CACNB4: variants seen among roughly 807,000 people sequenced by gnomAD.
CACNB4 encodes calcium voltage-gated channel auxiliary subunit beta 4.
CACNB4 carries 32 observed loss-of-function variants against 71.2 expected under a neutral mutation model. The observed-to-expected ratio is 0.45, with a 90% CI of 0.34 to 0.60. The LOEUF is 0.60. CACNB4 is among the 20% of genes least tolerant of loss of function. The pLI is 0.01. For missense variants in CACNB4, 464 were observed against 647.9 expected, an observed-to-expected ratio of 0.72 and a Z score of 3.08; for synonymous variants, 231 against 236.9, an observed-to-expected ratio of 0.97 and a Z score of 0.23.
chr2:152,044,367 C>T (rs4664522), intron 2 of CACNB4, among the ~76,000 whole-genome samples: 2,777 of 152,124 alleles, frequency 0.018, 260 homozygotes, highest in Admixed American at 0.16. Context: ...ATTACAGGTG[C>T]GCATCACCAT....
intron 12 of CACNB4, among the ~76,000 whole-genome samples, chr2:151,845,951 GA>G (rs2099837452): frequency 6.6e-6 from 1 of 152,208 alleles, no homozygotes; most frequent in Non-Finnish European, 1.5e-5. Flanking sequence ...AACGAAGAGT[GA>G]AAAACATGCC....
chr2:151,950,227 A>G (rs2099866598), intron 2 of CACNB4, among the ~76,000 whole-genome samples: 1 of 152,052 alleles, frequency 6.6e-6, no homozygotes, highest in Non-Finnish European at 1.5e-5. Context: ...GCCCCTACAC[A>G]TACAGAGCCA....
At chr2:151,943,085 C>G (rs1048138985) in intron 2 of CACNB4, among the ~76,000 whole-genome samples, 1 of 151,584 alleles carries the variant, frequency 6.6e-6, no homozygotes, top group Non-Finnish European at 1.5e-5. Flanking sequence ...TGTTATTACA[C>G]CCCCTCCCCT....
At chr2:152,080,127 CTT>C (rs56902459) in intron 2 of CACNB4, among the ~76,000 whole-genome samples, 9 of 146,198 alleles carry the variant, frequency 6.2e-5, no homozygotes, top group African/African-American at 2.2e-4. Context: ...AATTTACTGT[CTT>C]TTTTTTTTTT....
At chr2:152,003,879 C>G (rs1321336885) in intron 2 of CACNB4, among the ~76,000 whole-genome samples, 2 of 152,044 alleles carry the variant, frequency 1.3e-5, no homozygotes, top group Non-Finnish European at 2.9e-5. Context: ...AACATGGTCT[C>G]TGTCACCCAG....
chr2:151,890,039 T>C (rs1559941803), intron 2 of CACNB4, among the ~76,000 whole-genome samples: 1 of 152,334 alleles, frequency 6.6e-6, no homozygotes, highest in South Asian at 2.1e-4. Context: ...GTTTTGTTCT[T>C]TTTTTAATTA....
intron 2 of CACNB4, among the ~76,000 whole-genome samples, chr2:151,963,081 T>C (rs948551265): frequency 5.9e-5 from 9 of 151,866 alleles, no homozygotes; most frequent in Admixed American, 5.9e-4. Context: ...GGGAGGCCAA[T>C]GCGGGCAGAT....
At chr2:151,984,546 G>A (rs1681225825) in intron 2 of CACNB4, among the ~76,000 whole-genome samples, 1 of 152,150 alleles carries the variant, frequency 6.6e-6, no homozygotes, top group Non-Finnish European at 1.5e-5. Context: ...CCCCAACCAA[G>A]CCTATCAACT....
At chr2:152,027,382 A>C (rs766099277) in intron 2 of CACNB4, among the ~76,000 whole-genome samples, 3 of 152,236 alleles carry the variant, frequency 2.0e-5, no homozygotes, top group Non-Finnish European at 2.9e-5. Flanking sequence ...AGAGCTTACA[A>C]TCTAGCAGAA....
intron 2 of CACNB4, among the ~76,000 whole-genome samples, chr2:151,941,000 G>A (rs1034127143): frequency 6.6e-6 from 1 of 152,162 alleles, no homozygotes; most frequent in African/African-American, 2.4e-5. Flanking sequence ...AGAACTCTCT[G>A]TCTCTATGGC....
intron 2 of CACNB4, among the ~76,000 whole-genome samples, chr2:151,975,567 C>T (rs1173535198): frequency 2.0e-5 from 3 of 152,254 alleles, no homozygotes; most frequent in South Asian, 4.2e-4. Flanking sequence ...AACGGGATTC[C>T]ATAGAGAGAA....
chr2:152,091,956 T>C (rs1687995950), intron 2 of CACNB4, among the ~76,000 whole-genome samples: 1 of 152,226 alleles, frequency 6.6e-6, no homozygotes, highest in African/African-American at 2.4e-5. Flanking sequence ...CCACGCAGAT[T>C]CAGAACGTTT....
intron 2 of CACNB4, among the ~76,000 whole-genome samples, chr2:152,087,984 C>A (rs1687753384): frequency 6.6e-6 from 1 of 152,058 alleles, no homozygotes; most frequent in Non-Finnish European, 1.5e-5. Context: ...CCAGAGTGAG[C>A]AAATCCAAAA....
chr2:151,885,831 T>A (rs925201054), intron 2 of CACNB4, among the ~76,000 whole-genome samples: 1 of 152,230 alleles, frequency 6.6e-6, no homozygotes, highest in African/African-American at 2.4e-5. Context: ...GTGACTTTCA[T>A]AGACGTATTC....
intron 2 of CACNB4, among the ~76,000 whole-genome samples, chr2:151,924,514 T>C (rs1028330976): frequency 1.8e-4 from 27 of 151,458 alleles, no homozygotes; most frequent in Non-Finnish European, 2.9e-4. Context: ...ACTGAGTAGC[T>C]GGGACTACAG....
intron 2 of CACNB4, among the ~76,000 whole-genome samples, chr2:152,038,757 T>C (rs1300299415): frequency 6.6e-6 from 1 of 152,172 alleles, no homozygotes; most frequent in Non-Finnish European, 1.5e-5. Context: ...GCCACACAGA[T>C]GGGGACAGAG....
intron 4 of CACNB4, among the ~76,000 whole-genome samples, chr2:151,879,073 G>C (rs868746576): frequency 1.1e-4 from 17 of 152,154 alleles, no homozygotes; most frequent in Admixed American, 2.6e-4. Flanking sequence ...AGGGCAAAGG[G>C]ACCCTTTTAG....
At chr2:151,880,642 A>G (rs1188768821) in intron 4 of CACNB4, 158 bp downstream of exon 4, 1 of 706,602 alleles carries the variant, frequency 1.4e-6, no homozygotes, top group Non-Finnish European at 2.4e-6. Flanking sequence ...AGACTTCTCA[A>G]TCTTAATGAG....
chr2:151,968,186 T>C (rs548821602), intron 2 of CACNB4: 4 of 152,320 alleles, frequency 2.6e-5, no homozygotes, highest in South Asian at 4.1e-4. Flanking sequence ...GCGCTAGCTT[T>C]ACACGGCAGT....
Sources: allele counts gnomAD v4.1 joint callset (sites outside exome capture counted in the v4.1 genomes callset), GRCh38; gene constraint gnomAD v4.1.1; transcripts MANE v1.5; gene names NCBI Gene and HGNC (gene_info 2026-07-23, HGNC 2026-07-21).